Variants in MLLT1 observed in about 807,000 individuals in gnomAD.
The protein encoded by MLLT1 is protein ENL.
MLLT1 carries 11 observed loss-of-function variants against 55.1 expected under a neutral mutation model. That is an observed-to-expected ratio of 0.20 (90% CI 0.13 to 0.33). The LOEUF is 0.33. Ranked by LOEUF, MLLT1 falls within the 10% of genes least tolerant of loss-of-function variation. MLLT1 has a pLI of 1.00. For missense variants in MLLT1, 536 were observed against 760.6 expected, an observed-to-expected ratio of 0.70 and a Z score of 3.47; for synonymous variants, 323 against 320.1, an observed-to-expected ratio of 1.01 and a Z score of -0.10.
rs973346174 is a variant in MLLT1 at position 6,279,647 on chromosome 19, G to A, written c.12+126C>T. 4 of 151,484 alleles carry A rather than the reference G, an allele frequency of 2.6e-5. No individual in the cohort carries two copies. In the East Asian group the frequency reaches 5.9e-4, roughly 22 times the overall value. The allele number at this position is 151,484 out of a possible 1,614,324, so 9.4% of individuals were successfully genotyped here. On this transcript the variant is annotated intron_variant, in intron 1 of 11. Coordinates refer to ENST00000252674, the MANE Select transcript of MLLT1 (RefSeq NM_005934.4). ...CGCCCCACATAAAGGCCCGAGGAGC[G>A]GCGGGCGCGCACAAAGCGGGCGGGC...
chr19:6,228,096 T>C (rs573226178), intron 4 of MLLT1, among the ~76,000 whole-genome samples: 2 of 152,220 alleles, frequency 1.3e-5, no homozygotes, highest in East Asian at 3.9e-4. Flanking sequence ...TCTGAGCTGC[T>C]TCTCAGAGCC....
At chr19:6,255,118 C>T (rs1568291764) in intron 3 of MLLT1, among the ~76,000 whole-genome samples, 1 of 152,138 alleles carries the variant, frequency 6.6e-6, no homozygotes, top group Non-Finnish European at 1.5e-5. Context: ...ATCAGCTGTG[C>T]TTCTATACAC....
At position 6,258,490 on chromosome 19, in the gene MLLT1, TCACAA is replaced by T. The variant is rs201009795; in HGVS notation, c.276+3733_276+3737del. Among the ~76,000 whole-genome samples the T allele has an allele frequency of 6.6e-5, 10 of 152,320 alleles. No homozygotes were observed. The East Asian group carries it at 1.9e-3, about 29-fold the overall frequency. On this transcript the variant is annotated intron_variant, in intron 3 of 11. Transcript: ENST00000252674. ...GTCGTCTTGCTTCGGAAAAACTTCT[TCACAA>T]CACACATGTATTACTTTGCAATCAG... is the stretch of plus-strand genomic sequence containing the variant.
At chr19:6,279,652 G>T (rs1483531081) in intron 1 of MLLT1, 121 bp downstream of exon 1, 15 of 151,058 alleles carry the variant, frequency 9.9e-5, no homozygotes, top group Non-Finnish European at 2.2e-4. Context: ...GGAGCGGCGG[G>T]CGCGCACAAA....
At chr19:6,254,662 G>A (rs1390158886) in intron 3 of MLLT1, among the ~76,000 whole-genome samples, 1 of 152,194 alleles carries the variant, frequency 6.6e-6, no homozygotes, top group Non-Finnish European at 1.5e-5. Flanking sequence ...CAGAAATGTT[G>A]TGAGTGGAGA....
rs760235037 is a variant in MLLT1, at chr19:6,267,258, CA to C, written c.193+3320del. Among the ~76,000 whole-genome samples, 2 of 152,234 alleles carry C rather than the reference CA, an allele frequency of 1.3e-5. 1 individual carries two copies. The highest frequency in any genetic ancestry group is 6.8e-3 in the Middle Eastern group (2 of 294). Reference sequence around the variant, plus strand: ...CTGGGACTAAAGGCATGCGCCACCACAGCCGGCTAATTTTTTTGTATTTTTA... The same window carrying C: ...CTGGGACTAAAGGCATGCGCCACCACGCCGGCTAATTTTTTTGTATTTTTA... On this transcript the variant is annotated intron_variant, in intron 2 of 11. Coordinates refer to ENST00000252674, the MANE Select transcript of MLLT1 (RefSeq NM_005934.4).
chr19:6,278,760 C>A (rs1009978825), intron 1 of MLLT1, among the ~76,000 whole-genome samples: 2 of 152,070 alleles, frequency 1.3e-5, no homozygotes, highest in African/African-American at 4.8e-5. Context: ...CTGGGGAATC[C>A]AGGTCAGAGA....
rs2090798086 is a variant in MLLT1, at chr19:6,213,188, G to C, written c.1552-18C>G. 1 of 1,613,768 alleles carries C rather than the reference G, an allele frequency of 6.2e-7. No homozygotes were observed. The highest frequency in any genetic ancestry group is 1.7e-5 in the Admixed American group (1 of 59,994). On this transcript the variant is annotated intron_variant, in intron 11 of 11. Transcript: ENST00000252674. ...TTCACAATCTGTAAGGTGGTGGCAG[G>C]TGGCTTCAGGGGCAGGGGGCCAAGG...
chr19:6,266,276 CAAAAAAAAAAAAA>C (rs35972478), intron 2 of MLLT1, among the ~76,000 whole-genome samples: 1 of 73,608 alleles, frequency 1.4e-5, no homozygotes, highest in Non-Finnish European at 2.8e-5. Flanking sequence ...ATTCTGTCTC[CAAAAAAAAAAAAA>C]AAAAAAAAGT....
chr19:6,212,330 G>A lies in MLLT1; in HGVS notation c.*712C>T. The A allele has an allele frequency of 9.4e-7, 1 of 1,063,288 alleles. No homozygotes were observed. 65.9% of individuals were successfully genotyped at this position (1,063,288 alleles called of 1,614,324 possible). ...AGAATTCCTCCATGCGCCTGGAGAG[G>A]GCCAGCTGCCGTGCCTGGCTCGGCC... On this transcript the variant is annotated 3_prime_UTR_variant, in exon 12 of 12. Transcript: ENST00000252674.
At chr19:6,224,877 C>T (rs1177503605) in intron 5 of MLLT1, among the ~76,000 whole-genome samples, 3 of 152,128 alleles carry the variant, frequency 2.0e-5, no homozygotes, top group Non-Finnish European at 4.4e-5. Context: ...TTACAGGCGC[C>T]CGCCACCACG....
chr19:6,237,243 G>C (rs536771381), intron 3 of MLLT1, among the ~76,000 whole-genome samples: 1 of 152,304 alleles, frequency 6.6e-6, no homozygotes, highest in South Asian at 2.1e-4. Flanking sequence ...CACCACCTCT[G>C]AGAGGCCACA....
chr19:6,212,265 C>A lies in MLLT1; in HGVS notation c.*777G>T. 1 of 1,065,006 alleles carries A rather than the reference C, an allele frequency of 9.4e-7. No homozygotes were observed. Among genetic ancestry groups the A allele is most frequent in the Non-Finnish European group, 1.1e-6 (1 of 879,262 alleles). 66.0% of individuals were successfully genotyped at this position (1,065,006 alleles called of 1,614,324 possible). A position where few individuals can be genotyped will look rare whatever the true frequency, so the allele number is the denominator to read the frequency against. On this transcript the variant is annotated 3_prime_UTR_variant, in exon 12 of 12. Coordinates refer to ENST00000252674, the MANE Select transcript of MLLT1 (RefSeq NM_005934.4). Reference sequence around the variant, plus strand: ...TAGTGTTGGCTGACCCCCCCGGGAGCCCCGGTAGGAGGCGGCGGCATCCTT... The same window carrying A: ...TAGTGTTGGCTGACCCCCCCGGGAGACCCGGTAGGAGGCGGCGGCATCCTT...
rs2090986610 is a variant in MLLT1 at position 6,229,545 on chromosome 19, CAT to C, written c.420+1023_420+1024del. Among the ~76,000 whole-genome samples the C allele has an allele frequency of 6.6e-6, 1 of 151,964 alleles. No individual in the cohort carries two copies. Among genetic ancestry groups the C allele is most frequent in the Non-Finnish European group, 1.5e-5 (1 of 67,970 alleles). ...GCCACATACACACCTGACACATTCA[CAT>C]ACTCCCCATAACACACGTCACACCA... On this transcript the variant is annotated intron_variant, in intron 4 of 11. Transcript: ENST00000252674. This position sits in a 1 kb window ranked among gnomAD's most constrained non-coding sequence, Gnocchi z 5.2.
intron 3 of MLLT1, among the ~76,000 whole-genome samples, chr19:6,246,180 T>C (rs1350810398): frequency 6.6e-6 from 1 of 150,592 alleles, no homozygotes; most frequent in African/African-American, 2.4e-5. Context: ...GAACTCTTCC[T>C]GCTGATGAGG....
At chr19:6,243,615 G>T (rs1236630312) in intron 3 of MLLT1, among the ~76,000 whole-genome samples, 1 of 152,030 alleles carries the variant, frequency 6.6e-6, no homozygotes, top group Non-Finnish European at 1.5e-5. Flanking sequence ...CACCCCCAGC[G>T]GATGAGCAGC....
chr19:6,210,406 C>CTT lies in MLLT1; in HGVS notation c.*2634_*2635dup. The CTT allele has an allele frequency of 5.5e-6, 1 of 182,494 alleles. No individual in the cohort carries two copies. Among genetic ancestry groups the CTT allele is most frequent in the Non-Finnish European group, 1.2e-5 (1 of 85,650 alleles). 11.3% of individuals were successfully genotyped at this position (182,494 alleles called of 1,614,324 possible). A position where few individuals can be genotyped will look rare whatever the true frequency, so the allele number is the denominator to read the frequency against. ...TGCTTTCCCATCTGACTTTATTTCA[C>CTT]TTTTTTTTTCTATAAAACTCCTCCA... On this transcript the variant is annotated 3_prime_UTR_variant, in exon 12 of 12. Coordinates refer to ENST00000252674, the MANE Select transcript of MLLT1 (RefSeq NM_005934.4). The surrounding 1 kb of genome is among the most constrained non-coding windows in gnomAD (Gnocchi z 4.6).
chr19:6,223,658 T>C (rs999946620), intron 5 of MLLT1, among the ~76,000 whole-genome samples: 6 of 152,094 alleles, frequency 3.9e-5, no homozygotes, highest in African/African-American at 1.2e-4. Flanking sequence ...CATGGCTGAG[T>C]TGGCTCAGCC....
At chr19:6,213,595 G>T in intron 10 of MLLT1, 131 bp downstream of exon 10, 1 of 1,035,664 alleles carries the variant, frequency 9.7e-7, no homozygotes, top group Non-Finnish European at 1.5e-6. Flanking sequence ...GGGGAGGAAG[G>T]ACTGTCCCTG....
Sources: allele counts gnomAD v4.1 joint callset (sites outside exome capture counted in the v4.1 genomes callset), GRCh38; gene constraint gnomAD v4.1.1; non-coding constraint Gnocchi (gnomAD v3.1); transcripts MANE v1.5; gene names NCBI Gene and HGNC (gene_info 2026-07-23, HGNC 2026-07-21).